DACH2: variants seen among roughly 807,000 people sequenced by gnomAD.
DACH2 encodes dachshund homolog 2.
DACH2 carries 17 observed loss-of-function variants against 35.8 expected under a neutral mutation model. The observed-to-expected ratio is 0.48, with a 90% confidence interval of 0.33 to 0.71. The LOEUF is 0.71. Ranked by LOEUF, DACH2 falls within the 30% of genes least tolerant of loss-of-function variation. DACH2 has a pLI of 0.02. For synonymous variants in DACH2, 195 were observed against 177.3 expected (o/e 1.10, Z -0.79); for missense variants, 469 against 472.7 (o/e 0.99, Z 0.07).
chrX:86,718,155 A>G (rs962083600), intron 6 of DACH2, among the ~76,000 whole-genome samples: 11 of 111,053 alleles, frequency 9.9e-5, no homozygotes, highest in African/African-American at 3.3e-4. Context: ...CTCCTCACAA[A>G]CACTTGTTAT....
At position 86,154,294 on chromosome X, in the gene DACH2, A is replaced by T. The variant is rs146085822; in HGVS notation, c.488+5186A>T. The stretch of plus-strand genomic sequence containing the variant: ...CTCTATACATTTTAAATATGTATTA[A>T]AACCATCCTAATTGATCCAAAACTG... On this transcript the variant is annotated intron_variant, in intron 1 of 11. Coordinates refer to ENST00000373125, the MANE Select transcript of DACH2 (RefSeq NM_053281.3). 5.3e-4 allele frequency among the ~76,000 whole-genome samples: 59 copies of T among 111,627 alleles called. No homozygotes were observed. In the East Asian group the frequency reaches 0.016, roughly 30 times the overall value.
At chrX:86,349,531 C>G (rs1179406239) in intron 1 of DACH2, among the ~76,000 whole-genome samples, 1 of 112,326 alleles carries the variant, frequency 8.9e-6, no homozygotes, top group South Asian at 3.7e-4. Flanking sequence ...ATGGAGCCCT[C>G]GCCAGGGACC....
chrX:86,517,104 G>T (rs781594873), intron 3 of DACH2, among the ~76,000 whole-genome samples: 1 of 111,416 alleles, frequency 9.0e-6, no homozygotes, highest in African/African-American at 3.3e-5. Flanking sequence ...TGATAGTTCT[G>T]CTTTTAACTC....
chrX:86,643,699 CA>C (rs202055167), intron 3 of DACH2, among the ~76,000 whole-genome samples: 4 of 107,910 alleles, frequency 3.7e-5, no homozygotes, highest in South Asian at 3.9e-4. Flanking sequence ...AATATTGATG[CA>C]AAAAAAAACC....
chrX:86,461,135 G>T (rs1008304206), intron 2 of DACH2, among the ~76,000 whole-genome samples: 2 of 111,558 alleles, frequency 1.8e-5, no homozygotes, highest in African/African-American at 6.5e-5. Flanking sequence ...GAATTCCAGT[G>T]TAGTCTTTTA....
At chrX:86,443,359 A>T (rs1264712931) in intron 2 of DACH2, among the ~76,000 whole-genome samples, 2 of 111,429 alleles carry the variant, frequency 1.8e-5, no homozygotes, top group African/African-American at 6.5e-5. Context: ...TGGTTTATGT[A>T]CTTTAATTTT....
At chrX:86,495,704 T>G (rs1485434281) in intron 2 of DACH2, among the ~76,000 whole-genome samples, 1 of 109,194 alleles carries the variant, frequency 9.2e-6, no homozygotes, top group Non-Finnish European at 1.9e-5. Flanking sequence ...TCCTAGCTAC[T>G]CAGGAGGCTA....
intron 3 of DACH2, among the ~76,000 whole-genome samples, chrX:86,543,091 A>T (rs2038908787): frequency 9.0e-6 from 1 of 111,494 alleles, no homozygotes; most frequent in South Asian, 3.8e-4. Flanking sequence ...AGGCATTAAG[A>T]CTGGTGCGCT....
At chrX:86,820,156 C>A (rs2042495846) in intron 11 of DACH2, among the ~76,000 whole-genome samples, 1 of 111,377 alleles carries the variant, frequency 9.0e-6, no homozygotes. Context: ...ACATACTGCC[C>A]CTGTATCTGC....
chrX:86,599,491 T>TTTCTTTCTTTCTTTCG (rs2039761098), intron 3 of DACH2, among the ~76,000 whole-genome samples: 6 of 96,460 alleles, frequency 6.2e-5, no homozygotes, highest in African/African-American at 2.3e-4. Flanking sequence ...TCTTTCTTTC[T>TTTCTTTCTTTCTTTCG]TTCTTTCTTT....
intron 2 of DACH2, among the ~76,000 whole-genome samples, chrX:86,379,401 A>G (rs2036013863): frequency 9.1e-6 from 1 of 110,410 alleles, no homozygotes; most frequent in South Asian, 3.7e-4. Context: ...CCACTGTGCT[A>G]CAATGCTTTT....
intron 7 of DACH2, among the ~76,000 whole-genome samples, chrX:86,780,568 G>A (rs1346387389): frequency 1.8e-5 from 2 of 112,188 alleles, no homozygotes; most frequent in Non-Finnish European, 3.8e-5. Flanking sequence ...TAAATGTAGA[G>A]TCCCTACTTC....
chrX:86,299,425 A>G (rs2034531985), intron 1 of DACH2, among the ~76,000 whole-genome samples: 2 of 111,921 alleles, frequency 1.8e-5, no homozygotes, highest in Middle Eastern at 4.2e-3. Flanking sequence ...TCAGCTTAGC[A>G]GTGATTCTGA....
intron 1 of DACH2, among the ~76,000 whole-genome samples, chrX:86,164,205 A>G (rs1361438643): frequency 9.0e-6 from 1 of 111,332 alleles, no homozygotes; most frequent in East Asian, 2.8e-4. Flanking sequence ...AGCTTTTTTC[A>G]TATGCTTGTT....
intron 3 of DACH2, among the ~76,000 whole-genome samples, chrX:86,546,421 C>CT (rs1217029556): frequency 9.0e-4 from 73 of 81,190 alleles, no homozygotes; most frequent in African/African-American, 1.8e-3. Flanking sequence ...CTTCTTCTTT[C>CT]TTCTTCTTCT....
At chrX:86,637,171 C>T (rs1249899174) in intron 3 of DACH2, among the ~76,000 whole-genome samples, 4 of 71,954 alleles carry the variant, frequency 5.6e-5, no homozygotes, top group East Asian at 5.0e-4. Flanking sequence ...TGACATACCA[C>T]GTAGCATGAG....
intron 1 of DACH2, among the ~76,000 whole-genome samples, chrX:86,328,133 C>T (rs2035147837): frequency 9.0e-6 from 1 of 111,066 alleles, no homozygotes. Context: ...TAAATTTACT[C>T]CAAGCATACT....
intron 7 of DACH2, among the ~76,000 whole-genome samples, chrX:86,803,785 T>A (rs915490107): frequency 9.0e-6 from 1 of 110,685 alleles, no homozygotes; most frequent in Admixed American, 9.7e-5. Context: ...AATTATATTA[T>A]ATTGTATATT....
At chrX:86,415,564 T>G (rs1312955062) in intron 2 of DACH2, among the ~76,000 whole-genome samples, 2 of 112,155 alleles carry the variant, frequency 1.8e-5, no homozygotes, top group Non-Finnish European at 3.8e-5. Context: ...TGCCTTGGTG[T>G]AGCTTTTTCT....
Sources: gnomAD v4.1 joint callset for allele counts (sites outside exome capture counted in the v4.1 genomes callset) on GRCh38, gnomAD v4.1.1 for gene constraint, MANE v1.5 for transcripts, NCBI Gene and HGNC (gene_info 2026-07-23, HGNC 2026-07-21) for gene names.